Variants in BROX observed in about 807,000 individuals in gnomAD.
BROX encodes BRO1 domain-containing protein BROX.
Under a neutral mutation model 61.0 loss-of-function variants are expected in BROX, and 53 were observed. The ratio of observed to expected loss-of-function variants is 0.87; its 90% confidence interval spans 0.70 to 1.09. BROX has a LOEUF of 1.09. BROX is among the 50% of genes least tolerant of loss of function. The pLI is 0.00. For missense variants in BROX, 489 were observed against 472.0 expected (o/e 1.04, Z -0.33); for synonymous variants, 152 against 160.2 (o/e 0.95, Z 0.38).
At chr1:222,714,491 CG>C (rs1656398599) in intron 1 of BROX, among the ~76,000 whole-genome samples, 1 of 147,520 alleles carries the variant, frequency 6.8e-6, no homozygotes, top group South Asian at 2.1e-4. Context: ...AGCCACCGCG[CG>C]TTTTTTTTTT....
rs1657791640 is a variant in BROX at position 222,729,677 on chromosome 1, A to G, written c.814A>G (p.Arg272Gly). The change falls in exon 10 of 13, where the codon AGG (arginine) becomes GGG (glycine). Residue 272 changes from arginine to glycine, a missense_variant. Coordinates refer to ENST00000340934, the MANE Select transcript of BROX (RefSeq NM_144695.4). Reference sequence around the variant, plus strand: ...TAGTGATAAATGCGGTGAAGCAATCAGGTCTCTCCAAGAAGCAGAAAAATG... The same window carrying G: ...TAGTGATAAATGCGGTGAAGCAATCGGGTCTCTCCAAGAAGCAGAAAAATG... ...LASDKCGEAI[R>G]SLQEAEKLYA... 1 of 1,612,502 alleles carries G rather than the reference A, an allele frequency of 6.2e-7. No homozygotes were observed. Among genetic ancestry groups the G allele is most frequent in the Non-Finnish European group, 8.5e-7 (1 of 1,178,828 alleles).
intron 4 of BROX, 93 bp from the exon 5 acceptor site, chr1:222,722,326 C>T: frequency 9.8e-7 from 1 of 1,021,810 alleles, no homozygotes. Flanking sequence ...TTAGCATATA[C>T]TTCTTTGTAA....
At chr1:222,718,333 A>T (rs971245381) in intron 2 of BROX, among the ~76,000 whole-genome samples, 1 of 152,210 alleles carries the variant, frequency 6.6e-6, no homozygotes, top group South Asian at 2.1e-4. Context: ...AGCAGTTTTA[A>T]AACAACTGAT....
chr1:222,729,596 T>G (rs1258871463), intron 9 of BROX, 24 bp from the exon 10 acceptor site: 2 of 1,587,034 alleles, frequency 1.3e-6, no homozygotes, highest in Non-Finnish European at 1.7e-6. Flanking sequence ...AGAGAATGAA[T>G]AAAAAATTTG....
chr1:222,727,176 G>C lies in BROX; in HGVS notation c.589G>C (p.Ala197Pro). Residue 197 changes from alanine (A) to proline (P), a missense_variant, in exon 8 of 13, where the codon GCT (alanine) becomes CCT (proline). Physicochemically the swap from Ala to Pro is conservative, Grantham distance 27. Coordinates refer to ENST00000340934, the MANE Select transcript of BROX (RefSeq NM_144695.4). ...ATTGTGTTTGGTTACAGTAACAATT[G>C]CTCGAGCAATTGAACTAAAACATGC... ...CQAEAQEVTI[A>P]RAIELKHAPG... 1 of 1,610,940 alleles carries C rather than the reference G, an allele frequency of 6.2e-7. No homozygotes were observed. The highest frequency in any genetic ancestry group is 2.2e-5 in the East Asian group (1 of 44,810).
In BROX at chr1:222,725,656, T is replaced by A. The variant is rs978193612; in HGVS notation, c.580+101T>A. 6 of 891,698 alleles carry A rather than the reference T, an allele frequency of 6.7e-6. No homozygotes were observed. In the African/African-American group the frequency reaches 8.7e-5, roughly 13 times the overall value. 55.2% of individuals were successfully genotyped at this position (891,698 alleles called of 1,614,324 possible). ...TGGGCACTGTGGCTTATGCATGTAGTCCCAGCACTTTGGGAGGTCTAGGTG... is the reference window on the plus strand; with the variant it reads ...TGGGCACTGTGGCTTATGCATGTAGACCCAGCACTTTGGGAGGTCTAGGTG... On this transcript the variant is annotated intron_variant, in intron 7 of 12. Coordinates refer to ENST00000340934, the MANE Select transcript of BROX (RefSeq NM_144695.4).
At chr1:222,719,121 C>T (rs1207179242) in intron 3 of BROX, 90 bp downstream of exon 3, 11 of 1,283,764 alleles carry the variant, frequency 8.6e-6, no homozygotes, top group African/African-American at 1.5e-5. Flanking sequence ...GATTAGTTTA[C>T]TCTTCCAGAC....
intron 3 of BROX, 27 bp from the exon 4 acceptor site, chr1:222,719,227 TCTTCTAAAA>T: frequency 6.8e-7 from 1 of 1,473,254 alleles, no homozygotes; most frequent in South Asian, 1.2e-5. Context: ...TTCTTCTAAT[TCTTCTAAAA>T]CTAAAATGTC....
intron 5 of BROX, among the ~76,000 whole-genome samples, chr1:222,723,876 C>T (rs1369886862): frequency 6.6e-6 from 1 of 152,146 alleles, no homozygotes; most frequent in Non-Finnish European, 1.5e-5. Context: ...CCAGGATGGT[C>T]TCAAACTTCT....
In BROX at chr1:222,734,506, T is replaced by A. The variant is rs1203567781; in HGVS notation, c.*1792T>A. The A allele has an allele frequency of 2.0e-5, 3 of 152,176 alleles. No homozygotes were observed. The highest frequency in any genetic ancestry group is 7.2e-5 in the African/African-American group (3 of 41,454). The allele number at this position is 152,176 out of a possible 1,614,324, so 9.4% of individuals were successfully genotyped here. On this transcript the variant is annotated 3_prime_UTR_variant, in exon 13 of 13. Transcript: ENST00000340934. ...ATTCAGTGAGGTTTTTTTCTTAACATACAGAAGTACTAAATACTGCTTGCA... is the reference window on the plus strand; with the variant it reads ...ATTCAGTGAGGTTTTTTTCTTAACAAACAGAAGTACTAAATACTGCTTGCA...
At position 222,722,410 on chromosome 1, in the gene BROX, T is replaced by G; in HGVS notation, c.306-9T>G. On this transcript the variant is annotated splice_polypyrimidine_tract_variant and intron_variant, in intron 4 of 12. Coordinates refer to ENST00000340934, the MANE Select transcript of BROX (RefSeq NM_144695.4). ...TGACAGAACTTAATGATCATGTTTA[T>G]AATTCCAGTGCCCAGCAGGATGCTG... The G allele has an allele frequency of 1.2e-6, 2 of 1,606,070 alleles. No homozygotes were observed. The highest frequency in any genetic ancestry group is 1.7e-6 in the Non-Finnish European group (2 of 1,173,012).
At position 222,732,612 on chromosome 1, in the gene BROX, G is replaced by GT. The variant is rs35549685; in HGVS notation, c.1150-9dup. On this transcript the variant is annotated splice_polypyrimidine_tract_variant and intron_variant, in intron 12 of 12. Coordinates refer to ENST00000340934, the MANE Select transcript of BROX (RefSeq NM_144695.4). ...TCTTAGTTTATGTACTTAAACTGTGGTTTTTTTCTCCCTAGACTAAACCCA... is the reference window on the plus strand; with the variant it reads ...TCTTAGTTTATGTACTTAAACTGTGGTTTTTTTTCTCCCTAGACTAAACCCA... The GT allele has an allele frequency of 4.8e-5, 76 of 1,592,904 alleles. No homozygotes were observed. The highest frequency in any genetic ancestry group is 6.0e-5 in the Non-Finnish European group (70 of 1,166,438).
chr1:222,728,708 G>A (rs765821321), intron 8 of BROX, 35 bp from the exon 9 acceptor site: 36 of 1,422,150 alleles, frequency 2.5e-5, no homozygotes, highest in Middle Eastern at 2.3e-4. Context: ...GAATCAGGGC[G>A]AAATTATATT....
rs112196702 is a variant in BROX, at chr1:222,722,359, G to A, written c.306-60G>A. ...TAATTTTGAGTCGGATATCCAGTAG[G>A]CTTCATGGTGTGATGTCTGGATAAT... On this transcript the variant is annotated intron_variant, in intron 4 of 12. Transcript: ENST00000340934. The A allele has an allele frequency of 2.5e-5, 34 of 1,363,376 alleles. No individual in the cohort carries two copies. The African/African-American group carries it at 3.3e-4, about 13-fold the overall frequency. The allele number at this position is 1,363,376 out of a possible 1,614,324, so 84.5% of individuals were successfully genotyped here.
In BROX at chr1:222,727,273, TGTC is replaced by T. The variant is rs1199551312; in HGVS notation, c.670+19_670+21del. 1.9e-6 allele frequency: 3 copies of T among 1,562,400 alleles called. No individual in the cohort carries two copies. The highest frequency in any genetic ancestry group is 2.6e-6 in the Non-Finnish European group (3 of 1,134,206). On this transcript the variant is annotated intron_variant, in intron 8 of 12. Transcript: ENST00000340934. ...CAAAAAGCTGGTAAGCTTCTAATTC[TGTC>T]GTTACATTTTTAGTCTTTAGATTTT...
At chr1:222,730,255 A>T in intron 11 of BROX, 78 bp downstream of exon 11, 2 of 1,034,446 alleles carry the variant, frequency 1.9e-6, no homozygotes, top group Non-Finnish European at 2.6e-6. Flanking sequence ...TATTTTAGTA[A>T]TATCATTTCT....
intron 2 of BROX, among the ~76,000 whole-genome samples, chr1:222,718,703 AT>A (rs1656822948): frequency 6.6e-6 from 1 of 151,944 alleles, no homozygotes; most frequent in Admixed American, 6.6e-5. Context: ...GTTATTAGAA[AT>A]TTTTTCTCTA....
chr1:222,729,999 A>G, intron 10 of BROX, 28 bp from the exon 11 acceptor site: 1 of 1,580,866 alleles, frequency 6.3e-7, no homozygotes. Context: ...ATTATAATCA[A>G]AAGACTTTAA....
chr1:222,727,748 G>A (rs1040801111), intron 8 of BROX, among the ~76,000 whole-genome samples: 3 of 152,154 alleles, frequency 2.0e-5, no homozygotes. Flanking sequence ...TAGGGAAGAA[G>A]ACAAACATGT....
Sources: gnomAD v4.1 joint callset for allele counts (sites outside exome capture counted in the v4.1 genomes callset) on GRCh38, gnomAD v4.1.1 for gene constraint, MANE v1.5 for transcripts, NCBI Gene and HGNC (gene_info 2026-07-23, HGNC 2026-07-21) for gene names.